The following TRAPPC9 variants were observed in gnomAD, a reference collection of about 807,000 sequenced individuals.
The protein encoded by TRAPPC9 is IKK2 binding protein.
TRAPPC9 carries 83 observed loss-of-function variants against 124.0 expected under a neutral mutation model. The observed-to-expected ratio is 0.67, with a 90% CI of 0.56 to 0.80. The LOEUF (loss-of-function observed/expected upper bound fraction) is 0.80, where lower values mean the gene tolerates loss of function less well. Ranked by LOEUF, TRAPPC9 falls within the 30% of genes least tolerant of loss-of-function variation. The pLI, the probability that TRAPPC9 is intolerant of heterozygous loss-of-function variation, is 0.00. For synonymous variants in TRAPPC9, 638 were observed against 617.5 expected (o/e 1.03, Z -0.49); for missense variants, 1,302 against 1,508.3 (o/e 0.86, Z 2.27).
At chr8:140,338,902 G>A (rs1428450876) in intron 9 of TRAPPC9, among the ~76,000 whole-genome samples, 2 of 69,908 alleles carry the variant, frequency 2.9e-5, no homozygotes, top group Non-Finnish European at 5.0e-5. Context: ...GAAAACCACC[G>A]CCACCAGACG....
intron 9 of TRAPPC9, among the ~76,000 whole-genome samples, chr8:140,357,124 T>C (rs11779587): frequency 0.71 from 107,856 of 151,916 alleles, 39,111 homozygotes; most frequent in African/African-American, 0.86. Context: ...ACTAAATACG[T>C]AACTGATGAC....
chr8:140,190,858 T>C (rs765916314), intron 17 of TRAPPC9, among the ~76,000 whole-genome samples: 6 of 152,168 alleles, frequency 3.9e-5, no homozygotes, highest in East Asian at 1.9e-4. Flanking sequence ...CAGAGACGAA[T>C]AGAGGGTAAA....
At chr8:140,287,122 G>A (rs866346457) in intron 13 of TRAPPC9, among the ~76,000 whole-genome samples, 2 of 152,142 alleles carry the variant, frequency 1.3e-5, no homozygotes, top group South Asian at 2.1e-4. Flanking sequence ...GGTCAGCCAG[G>A]GACTCAAAGG....
chr8:139,990,606 G>C (rs1350428677), intron 18 of TRAPPC9, among the ~76,000 whole-genome samples: 1 of 147,984 alleles, frequency 6.8e-6, no homozygotes, highest in African/African-American at 2.5e-5. Context: ...TTTTTTTTTT[G>C]ACAGAGTCTC....
chr8:140,042,886 T>C (rs1293540982), intron 17 of TRAPPC9, among the ~76,000 whole-genome samples: 2 of 152,228 alleles, frequency 1.3e-5, no homozygotes, highest in Non-Finnish European at 2.9e-5. Context: ...AGCCAGCAGT[T>C]GTGCCTCCGG....
intron 19 of TRAPPC9, among the ~76,000 whole-genome samples, chr8:139,942,386 T>TA (rs5895626): frequency 2.6e-5 from 4 of 151,834 alleles, no homozygotes; most frequent in Middle Eastern, 3.2e-3. Context: ...ATTTTATTTT[T>TA]AAAAAAAATC....
At chr8:139,882,046 G>T (rs1347756645) in intron 21 of TRAPPC9, among the ~76,000 whole-genome samples, 1 of 152,204 alleles carries the variant, frequency 6.6e-6, no homozygotes, top group Admixed American at 6.5e-5. Context: ...TTCAAGGAGA[G>T]CCCCTTGTGA....
chr8:140,082,691 C>T (rs1173902690), intron 17 of TRAPPC9, among the ~76,000 whole-genome samples: 2 of 152,170 alleles, frequency 1.3e-5, no homozygotes, highest in African/African-American at 4.8e-5. Context: ...GCTAGAAATA[C>T]AGCTTTTGCA....
intron 17 of TRAPPC9, among the ~76,000 whole-genome samples, chr8:140,056,094 A>G (rs1433252038): frequency 6.6e-6 from 1 of 152,170 alleles, no homozygotes; most frequent in Non-Finnish European, 1.5e-5. Context: ...TAAAAAATGT[A>G]TTGCAAAGCT....
At chr8:140,231,199 C>T (rs559421795) in intron 16 of TRAPPC9, among the ~76,000 whole-genome samples, 12 of 152,338 alleles carry the variant, frequency 7.9e-5, no homozygotes, top group African/African-American at 2.6e-4. Flanking sequence ...TCAGGTGCTG[C>T]CCGGCACATG....
At chr8:140,189,807 C>A (rs905167343) in intron 17 of TRAPPC9, among the ~76,000 whole-genome samples, 2 of 152,170 alleles carry the variant, frequency 1.3e-5, no homozygotes, top group African/African-American at 4.8e-5. Flanking sequence ...CACAAGCCAT[C>A]TGGTTTTCAG....
At chr8:140,317,179 T>C (rs1282516141) in intron 9 of TRAPPC9, among the ~76,000 whole-genome samples, 1 of 152,212 alleles carries the variant, frequency 6.6e-6, no homozygotes, top group Non-Finnish European at 1.5e-5. Flanking sequence ...ATTAATCTTT[T>C]GTATGGTTTT....
At chr8:140,239,447 G>T (rs1175480421) in intron 16 of TRAPPC9, among the ~76,000 whole-genome samples, 3 of 152,190 alleles carry the variant, frequency 2.0e-5, no homozygotes, top group Non-Finnish European at 2.9e-5. Context: ...AAGAGTATTG[G>T]GGGAGGATGC....
intron 10 of TRAPPC9, among the ~76,000 whole-genome samples, chr8:140,306,394 G>C (rs2066136899): frequency 6.6e-6 from 1 of 151,324 alleles, no homozygotes; most frequent in Non-Finnish European, 1.5e-5. Context: ...CTCGGAGGCT[G>C]AGGCAGTAGA....
At chr8:140,288,277 A>G (rs976404303) in intron 12 of TRAPPC9, among the ~76,000 whole-genome samples, 7 of 152,230 alleles carry the variant, frequency 4.6e-5, no homozygotes, top group African/African-American at 1.7e-4. Flanking sequence ...CAGGAGGCTG[A>G]GGCTGCAATG....
At chr8:140,144,408 G>T (rs2061425907) in intron 17 of TRAPPC9, among the ~76,000 whole-genome samples, 1 of 152,136 alleles carries the variant, frequency 6.6e-6, no homozygotes, top group African/African-American at 2.4e-5. Context: ...CACGTCATGA[G>T]GTTCTTTTCA....
intron 19 of TRAPPC9, among the ~76,000 whole-genome samples, chr8:139,947,894 G>GTATA (rs55645825): frequency 9.9e-4 from 65 of 65,854 alleles, no homozygotes; most frequent in African/African-American, 3.7e-3. Context: ...AAATATGTGT[G>GTATA]TATATATATA....
chr8:140,272,365 A>G (rs115905224), intron 15 of TRAPPC9, among the ~76,000 whole-genome samples: 6 of 65,580 alleles, frequency 9.1e-5, no homozygotes, highest in Admixed American at 4.0e-4. Context: ...GAGTGGTGGT[A>G]GTGAGGGTGG....
At chr8:140,377,136 C>T (rs1039677336) in intron 7 of TRAPPC9, among the ~76,000 whole-genome samples, 2 of 152,168 alleles carry the variant, frequency 1.3e-5, no homozygotes, top group African/African-American at 4.8e-5. Flanking sequence ...TCTTGGATAA[C>T]CTGAAAAACC....
Sources: gnomAD v4.1 joint callset for allele counts (sites outside exome capture counted in the v4.1 genomes callset) on GRCh38, gnomAD v4.1.1 for gene constraint, MANE v1.5 for transcripts, NCBI Gene and HGNC (gene_info 2026-07-23, HGNC 2026-07-21) for gene names.